Variants in SUCLA2 observed in about 807,000 individuals in gnomAD.
The protein encoded by SUCLA2 is succinate-CoA ligase ADP-forming subunit beta.
Under a neutral mutation model 54.8 loss-of-function variants are expected in SUCLA2, and 30 were observed. The ratio of observed to expected loss-of-function variants is 0.55; its 90% CI spans 0.41 to 0.74. The LOEUF (loss-of-function observed/expected upper bound fraction) is 0.74, where lower values mean the gene tolerates loss of function less well. SUCLA2 is among the 30% of genes least tolerant of loss of function. The pLI is 0.00. For synonymous variants in SUCLA2, 172 were observed against 188.9 expected (o/e 0.91, Z 0.74); for missense variants, 476 against 562.9 (o/e 0.85, Z 1.56).
At chr13:47,952,039 T>A (rs1949780739) in intron 8 of SUCLA2, among the ~76,000 whole-genome samples, 1 of 149,692 alleles carries the variant, frequency 6.7e-6, no homozygotes, top group African/African-American at 2.5e-5. Flanking sequence ...CCTGGATATC[T>A]CTATTCCCTC....
chr13:47,993,097 G>A (rs1950161998), intron 2 of SUCLA2, among the ~76,000 whole-genome samples: 1 of 152,130 alleles, frequency 6.6e-6, no homozygotes, highest in African/African-American at 2.4e-5. Flanking sequence ...CAGGCATGGT[G>A]GAGCACACCT....
intron 10 of SUCLA2, among the ~76,000 whole-genome samples, chr13:47,945,154 C>A (rs1463118390): frequency 6.7e-6 from 1 of 149,618 alleles, no homozygotes; most frequent in Non-Finnish European, 1.5e-5. Context: ...GAGGCTGAGG[C>A]AGGAGGATTG....
chr13:47,973,904 A>G (rs1347059823), intron 4 of SUCLA2, among the ~76,000 whole-genome samples: 1 of 152,112 alleles, frequency 6.6e-6, no homozygotes, highest in African/African-American at 2.4e-5. Flanking sequence ...ACACATGGAC[A>G]CAGGGAGGGG....
chr13:48,000,969 G>C, intron 1 of SUCLA2: 1 of 1,413,852 alleles, frequency 7.1e-7, no homozygotes, highest in South Asian at 1.5e-5. Flanking sequence ...GGGGATCCTC[G>C]CGGACTAAGG....
At chr13:47,943,766 G>GTGTGTATATATA (rs1300486540) in intron 10 of SUCLA2, among the ~76,000 whole-genome samples, 136 of 139,658 alleles carry the variant, frequency 9.7e-4, no homozygotes, top group African/African-American at 2.8e-3. Flanking sequence ...GTGTGTGTGT[G>GTGTGTATATATA]TATATATATA....
Position 47,996,966 on chromosome 13 carries a change from G to A in SUCLA2, c.148C>T (p.Gln50Ter), listed in dbSNP as rs1374397263. 1 of 1,613,920 alleles carries A rather than the reference G, an allele frequency of 6.2e-7. No homozygotes were observed. Among genetic ancestry groups the A allele is most frequent in the African/African-American group, 1.3e-5 (1 of 74,890 alleles). ...NHGLQVQQQQ[Q>*]RNLSLHEYMS... Reference sequence around the variant, plus strand: ...TATTCATGTAGTGAGAGATTCCTTTGCTGTTGCTGCTGTACTTGGAGTCCA... The same window carrying A: ...TATTCATGTAGTGAGAGATTCCTTTACTGTTGCTGCTGTACTTGGAGTCCA... Residue 50 changes from glutamine (Q) to a stop codon, truncating the protein, a stop_gained, in exon 2 of 11, where the codon CAA (glutamine) becomes TAA (stop). Transcript: ENST00000646932. LOFTEE classifies it high-confidence loss of function.
chr13:47,950,445 G>A (rs573702307), intron 8 of SUCLA2, among the ~76,000 whole-genome samples: 4 of 152,198 alleles, frequency 2.6e-5, no homozygotes, highest in East Asian at 1.9e-4. Flanking sequence ...GGGTACATAT[G>A]CATAGACCTG....
chr13:47,965,651 A>G, intron 6 of SUCLA2: 1 of 398,456 alleles, frequency 2.5e-6, no homozygotes, highest in Non-Finnish European at 4.4e-6. Context: ...CTGGGGAAAA[A>G]TAGTATAAAG....
At chr13:47,959,401 AAAG>A (rs1313087777) in intron 6 of SUCLA2, among the ~76,000 whole-genome samples, 4 of 147,956 alleles carry the variant, frequency 2.7e-5, no homozygotes, top group South Asian at 4.4e-4. Context: ...AACAAATAAG[AAAG>A]AAGAAGGGAG....
chr13:47,985,652 G>A (rs1270139245), intron 4 of SUCLA2, among the ~76,000 whole-genome samples: 4 of 152,216 alleles, frequency 2.6e-5, no homozygotes, highest in African/African-American at 9.6e-5. Context: ...GGATGTTTAG[G>A]TTGATTCCAT....
intron 4 of SUCLA2, chr13:47,987,518 T>A (rs1003755108): frequency 6.6e-6 from 1 of 152,150 alleles, no homozygotes; most frequent in African/African-American, 2.4e-5. Context: ...ACATAGAATA[T>A]CACTTAAGAA....
intron 2 of SUCLA2, among the ~76,000 whole-genome samples, chr13:47,990,559 C>A (rs910975126): frequency 2.0e-5 from 3 of 152,148 alleles, no homozygotes; most frequent in Admixed American, 6.5e-5. Context: ...TTTGCCCACA[C>A]TGGCAGGGTG....
intron 1 of SUCLA2, chr13:48,000,802 T>C: frequency 2.0e-6 from 2 of 1,022,106 alleles, no homozygotes; most frequent in Non-Finnish European, 2.4e-6. Flanking sequence ...TGAAGGGCAT[T>C]CCCCCCTGCC....
At chr13:47,977,948 C>T (rs191151393) in intron 4 of SUCLA2, among the ~76,000 whole-genome samples, 1 of 152,094 alleles carries the variant, frequency 6.6e-6, no homozygotes, top group African/African-American at 2.4e-5. Flanking sequence ...CCTAGAAATA[C>T]AACTTACAAG....
At chr13:47,948,814 T>C (rs1593476962) in intron 10 of SUCLA2, 126 bp downstream of exon 10, 2 of 932,330 alleles carry the variant, frequency 2.1e-6, no homozygotes, top group East Asian at 4.9e-5. Context: ...GAATAATCGT[T>C]TTCTTTAACC....
chr13:47,996,199 T>C (rs1203510870), intron 2 of SUCLA2, among the ~76,000 whole-genome samples: 1 of 151,432 alleles, frequency 6.6e-6, no homozygotes, highest in African/African-American at 2.4e-5. Context: ...TGGTGGTGCT[T>C]GTAATACCAG....
At chr13:47,977,344 C>T (rs1950023501) in intron 4 of SUCLA2, among the ~76,000 whole-genome samples, 1 of 152,086 alleles carries the variant, frequency 6.6e-6, no homozygotes. Flanking sequence ...CTGGAAAATT[C>T]TATCAAACAT....
intron 10 of SUCLA2, among the ~76,000 whole-genome samples, chr13:47,945,526 G>C (rs748820233): frequency 6.6e-6 from 1 of 151,570 alleles, no homozygotes; most frequent in Non-Finnish European, 1.5e-5. Flanking sequence ...ATAATGGAAG[G>C]GAAGACAAAA....
At chr13:47,989,095 C>A in intron 2 of SUCLA2, 114 bp from the exon 3 acceptor site, 1 of 1,042,924 alleles carries the variant, frequency 9.6e-7, no homozygotes, top group Non-Finnish European at 1.5e-6. Context: ...CTAATTTATT[C>A]ACAATGTCCA....
Sources: allele counts gnomAD v4.1 joint callset (sites outside exome capture counted in the v4.1 genomes callset), GRCh38; gene constraint gnomAD v4.1.1; transcripts MANE v1.5; gene names NCBI Gene and HGNC (gene_info 2026-07-23, HGNC 2026-07-21).